Variants in TMEM63C observed in about 807,000 individuals in gnomAD.
The protein encoded by TMEM63C is osmosensitive cation channel TMEM63C.
In TMEM63C, 32 loss-of-function variants were observed where a neutral mutation model predicts 99.2. The observed-to-expected ratio is 0.32, with a 90% CI of 0.24 to 0.43. The LOEUF (loss-of-function observed/expected upper bound fraction) is 0.43, where lower values mean the gene tolerates loss of function less well. Ranked by LOEUF, TMEM63C falls within the 20% of genes least tolerant of loss-of-function variation. The pLI, the probability that TMEM63C is intolerant of heterozygous loss-of-function variation, is 1.00. For missense variants in TMEM63C, 826 were observed against 1,053.0 expected, an observed-to-expected ratio of 0.78 and a Z score of 2.98; for synonymous variants, 376 against 397.9, an observed-to-expected ratio of 0.94 and a Z score of 0.66.
rs769683393 is a variant in TMEM63C, at chr14:77,240,560, G to A, written c.1016G>A (p.Arg339Gln). ...GAGCTCAACCGCGTGCCGCTCAAGCGGCTGGACCTGATCTTTGTCACCTTC... is the reference window on the plus strand; with the variant it reads ...GAGCTCAACCGCGTGCCGCTCAAGCAGCTGGACCTGATCTTTGTCACCTTC... ...NAELNRVPLK[R>Q]LDLIFVTFQD... is the part of the protein sequence containing the mutation. The change falls in exon 13 of 24, where the codon CGG (arginine) becomes CAG (glutamine). Residue 339 changes from arginine to glutamine, a missense_variant. Arg to Gln is a conservative substitution (Grantham distance 43, BLOSUM62 1). Transcript: ENST00000298351. 21 of 1,611,540 alleles carry A rather than the reference G, an allele frequency of 1.3e-5. No individual in the cohort carries two copies. Among genetic ancestry groups the A allele is most frequent in the Non-Finnish European group, 1.5e-5 (18 of 1,179,872 alleles).
chr14:77,220,208 CT>C, intron 5 of TMEM63C, 121 bp downstream of exon 5: 1 of 928,286 alleles, frequency 1.1e-6, no homozygotes. Flanking sequence ...CTCAACCACT[CT>C]GGCAGTGTGA....
rs553522925 is a variant in TMEM63C, at chr14:77,240,392, G to A, written c.931-83G>A. 234 of 1,479,742 alleles carry A rather than the reference G, an allele frequency of 1.6e-4. 2 individuals carry two copies. The African/African-American group carries it at 2.9e-3, about 18-fold the overall frequency. The allele number at this position is 1,479,742 out of a possible 1,614,324, so 91.7% of individuals were successfully genotyped here. On this transcript the variant is annotated intron_variant, in intron 12 of 23. Transcript: ENST00000298351. Reference sequence around the variant, plus strand: ...CTTCAAGGCCACCACAATCCAGGGAGGCTTGAGTGGGGAGGAACCTCGTGA... The same window carrying A: ...CTTCAAGGCCACCACAATCCAGGGAAGCTTGAGTGGGGAGGAACCTCGTGA...
intron 1 of TMEM63C, 134 bp from the exon 2 acceptor site, chr14:77,213,312 A>C (rs928401331): frequency 3.3e-5 from 5 of 152,246 alleles, no homozygotes; most frequent in African/African-American, 9.6e-5. Flanking sequence ...CTATTTGCAA[A>C]GCAGAGCTCT....
intron 17 of TMEM63C, 61 bp downstream of exon 17, chr14:77,246,087 T>G: frequency 7.7e-7 from 1 of 1,301,236 alleles, no homozygotes; most frequent in Non-Finnish European, 1.1e-6. Flanking sequence ...TAAGACCTCC[T>G]CTTTCAGATA....
At chr14:77,229,974 C>T (rs989114136) in intron 6 of TMEM63C, among the ~76,000 whole-genome samples, 2 of 151,844 alleles carry the variant, frequency 1.3e-5, no homozygotes, top group Admixed American at 6.6e-5. Context: ...CCGAGGCAGG[C>T]GGATCCCCTG....
rs1019150957 is a variant in TMEM63C at position 77,203,816 on chromosome 14, C to A, written c.-76-9630C>A. On this transcript the variant is annotated intron_variant, in intron 1 of 23. Transcript: ENST00000298351. ...GGTTGATCAGAGCCCACCCTGGCAGCAGCAGGAGGTGGGGTGTGATGGCCC... is the reference window on the plus strand; with the variant it reads ...GGTTGATCAGAGCCCACCCTGGCAGAAGCAGGAGGTGGGGTGTGATGGCCC... Among the ~76,000 whole-genome samples, 8 of 152,384 alleles carry A rather than the reference C, an allele frequency of 5.2e-5. 1 individual carries two copies. In the East Asian group the frequency reaches 1.3e-3, roughly 26 times the overall value.
Position 77,244,461 on chromosome 14 carries a change from C to T in TMEM63C, c.1448+6C>T. ...CTCGAGGCCCACTGGACCAGGTGAC[C>T]TGGGGGCCTCCTCTCGTAGCCCTGT... On this transcript the variant is annotated splice_donor_region_variant and intron_variant, in intron 16 of 23. Transcript: ENST00000298351. The T allele has an allele frequency of 6.2e-7, 1 of 1,610,262 alleles. No individual in the cohort carries two copies. The highest frequency in any genetic ancestry group is 8.5e-7 in the Non-Finnish European group (1 of 1,176,704).
chr14:77,233,989 C>T (rs1888991599), intron 8 of TMEM63C, among the ~76,000 whole-genome samples: 1 of 152,154 alleles, frequency 6.6e-6, no homozygotes, highest in Non-Finnish European at 1.5e-5. Flanking sequence ...GAGCTTCAGT[C>T]CTTATTCATG....
chr14:77,235,768 A>G, intron 8 of TMEM63C, among the ~76,000 whole-genome samples: 1 of 620 alleles, frequency 1.6e-3, no homozygotes, highest in Non-Finnish European at 2.5e-3. Context: ...GGGTGGGGGT[A>G]TGGGGAGACT....
Position 77,256,606 on chromosome 14 carries a change from C to A in TMEM63C, c.2301C>A (p.Thr767=), listed in dbSNP as rs1476595661. Residue 767 remains threonine (T), a synonymous_variant, in exon 24 of 24, where the codon ACC becomes ACA. Transcript: ENST00000298351. ...CCCCAGCCAGGCACACCTATGGCACCATGAACAACCAGCCGGAAGAGGGAG... is the reference window on the plus strand; with the variant it reads ...CCCCAGCCAGGCACACCTATGGCACAATGAACAACCAGCCGGAAGAGGGAG... The part of the protein sequence containing the change: ...ASSPARHTYG[T]MNNQPEEGEE... 1.9e-6 allele frequency: 3 copies of A among 1,613,920 alleles called. No homozygotes were observed. In the Admixed American group the frequency reaches 5.0e-5, roughly 27 times the overall value.
At chr14:77,189,713 C>T (rs954865569) in intron 1 of TMEM63C, among the ~76,000 whole-genome samples, 25 of 152,176 alleles carry the variant, frequency 1.6e-4, no homozygotes, top group African/African-American at 5.3e-4. Context: ...GCTGACATCT[C>T]CCTGGGGAGT....
chr14:77,206,598 C>T (rs1888406800), intron 1 of TMEM63C, among the ~76,000 whole-genome samples: 1 of 152,194 alleles, frequency 6.6e-6, no homozygotes, highest in South Asian at 2.1e-4. Flanking sequence ...GCACAGGAAC[C>T]ACTGGGCTGC....
chr14:77,238,336 C>A (rs1889097434), intron 9 of TMEM63C, among the ~76,000 whole-genome samples: 1 of 152,232 alleles, frequency 6.6e-6, no homozygotes, highest in South Asian at 2.1e-4. Context: ...TCTTTCCAAT[C>A]ATGGAGCTCT....
chr14:77,202,825 G>GCACA (rs60544528), intron 1 of TMEM63C, among the ~76,000 whole-genome samples: 2,163 of 141,052 alleles, frequency 0.015, 50 homozygotes, highest in East Asian at 0.052. Flanking sequence ...ACAGGCAGGC[G>GCACA]CACACACACA....
At chr14:77,218,201 AT>A (rs1888621226) in intron 2 of TMEM63C, among the ~76,000 whole-genome samples, 1 of 145,834 alleles carries the variant, frequency 6.9e-6, no homozygotes, top group Admixed American at 7.0e-5. Context: ...CTCCATAAAT[AT>A]ATACACCTAC....
intron 23 of TMEM63C, among the ~76,000 whole-genome samples, 164 bp from the exon 24 acceptor site, chr14:77,256,362 T>C (rs1312693685): frequency 6.6e-6 from 1 of 152,028 alleles, no homozygotes; most frequent in Non-Finnish European, 1.5e-5. Flanking sequence ...CAAGAACAAT[T>C]AGGTGGGTGG....
At chr14:77,240,275 T>C (rs1200753103) in intron 12 of TMEM63C, among the ~76,000 whole-genome samples, 200 bp from the exon 13 acceptor site, 1 of 152,162 alleles carries the variant, frequency 6.6e-6, no homozygotes, top group Non-Finnish European at 1.5e-5. Context: ...TTTCCCCAGA[T>C]CTAAGGGCAG....
intron 1 of TMEM63C, among the ~76,000 whole-genome samples, chr14:77,199,674 C>T (rs991400669): frequency 2.0e-5 from 3 of 152,136 alleles, no homozygotes; most frequent in Non-Finnish European, 2.9e-5. Context: ...TCTCAGTGTG[C>T]GGCTCTTACT....
intron 6 of TMEM63C, among the ~76,000 whole-genome samples, chr14:77,228,196 A>G (rs1888866079): frequency 6.6e-6 from 1 of 152,190 alleles, no homozygotes; most frequent in Admixed American, 6.5e-5. Context: ...GGCACTTACA[A>G]GAAAGATGGA....
Sources: gnomAD v4.1 joint callset for allele counts (sites outside exome capture counted in the v4.1 genomes callset) on GRCh38, gnomAD v4.1.1 for gene constraint, MANE v1.5 for transcripts, NCBI Gene and HGNC (gene_info 2026-07-23, HGNC 2026-07-21) for gene names.